The following SQLE variants were observed in gnomAD, a reference collection of about 807,000 sequenced individuals.
The protein encoded by SQLE is squalene monooxygenase.
Under a neutral mutation model 60.7 loss-of-function variants are expected in SQLE, and 29 were observed. The observed-to-expected ratio is 0.48, with a 90% CI of 0.36 to 0.65. SQLE has a LOEUF of 0.65. Ranked by LOEUF, SQLE falls within the 30% of genes least tolerant of loss-of-function variation. SQLE has a pLI of 0.00. For missense variants in SQLE, 605 were observed against 684.1 expected (o/e 0.88, Z 1.29); for synonymous variants, 237 against 246.8 (o/e 0.96, Z 0.37).
At chr8:125,002,416 G>T (rs1307172763) in intron 1 of SQLE, among the ~76,000 whole-genome samples, 6 of 152,166 alleles carry the variant, frequency 3.9e-5, no homozygotes, top group Non-Finnish European at 7.4e-5. Flanking sequence ...AGTGGCTCAC[G>T]CCTGTAATCC....
intron 9 of SQLE, 38 bp downstream of exon 9, chr8:125,018,765 G>A (rs1449454026): frequency 2.2e-6 from 3 of 1,344,334 alleles, no homozygotes; most frequent in Non-Finnish European, 3.1e-6. Context: ...TTACTCAATT[G>A]CAGATTTTTA....
In SQLE at chr8:125,002,757, A is replaced by G. The variant is rs115936755; in HGVS notation, c.292-419A>G. Among the ~76,000 whole-genome samples, 629 of 152,332 alleles carry G rather than the reference A, an allele frequency of 4.1e-3. 1 individual carries two copies. The highest frequency in any genetic ancestry group is 0.014 in the African/African-American group (587 of 41,578). ...ATAGTTTGTAACATGAACTCAAATC[A>G]GAAGTTGTAAGTGATTTGCATCTTG... On this transcript the variant is annotated intron_variant, in intron 1 of 10. Coordinates refer to ENST00000265896, the MANE Select transcript of SQLE (RefSeq NM_003129.4).
chr8:125,008,925 G>C, intron 4 of SQLE, 46 bp from the exon 5 acceptor site: 1 of 1,346,078 alleles, frequency 7.4e-7, no homozygotes, highest in East Asian at 2.5e-5. Flanking sequence ...TTTTTTTACT[G>C]TGTGTTTCTG....
At chr8:125,012,353 A>G (rs969522379) in intron 7 of SQLE, among the ~76,000 whole-genome samples, 3 of 152,226 alleles carry the variant, frequency 2.0e-5, no homozygotes, top group African/African-American at 7.2e-5. Context: ...CATCACCACC[A>G]CAATCAAATT....
At position 125,011,604 on chromosome 8, in the gene SQLE, C is replaced by G; in HGVS notation, c.1176C>G (p.Phe392Leu). Reference protein sequence around the residue: ...NSHLRSMPASFLPPSSVKKRG... With the variant: ...NSHLRSMPASLLPPSSVKKRG... Reference sequence around the variant, plus strand: ...ATCTGAGGTCCATGCCAGCAAGCTTCCTTCCTCCTTCATCAGTGAAGAAAC... The same window carrying G: ...ATCTGAGGTCCATGCCAGCAAGCTTGCTTCCTCCTTCATCAGTGAAGAAAC... Residue 392 changes from phenylalanine to leucine, a missense_variant, in exon 7 of 11, where the codon TTC becomes TTG. Phe to Leu is a conservative substitution (Grantham distance 22). Coordinates refer to ENST00000265896, the MANE Select transcript of SQLE (RefSeq NM_003129.4). The G allele has an allele frequency of 6.3e-7, 1 of 1,582,746 alleles. No individual in the cohort carries two copies. Among genetic ancestry groups the G allele is most frequent in the Non-Finnish European group, 8.6e-7 (1 of 1,162,592 alleles).
At chr8:125,010,589 G>A (rs76158701) in intron 6 of SQLE, among the ~76,000 whole-genome samples, 28 of 151,894 alleles carry the variant, frequency 1.8e-4, no homozygotes, top group African/African-American at 6.5e-4. Context: ...AATGAAGTGG[G>A]CAAACTTAGA....
Position 125,014,321 on chromosome 8 carries a change from CT to C in SQLE, c.1204+2695del. Among the ~76,000 whole-genome samples, 3 of 152,132 alleles carry C rather than the reference CT, an allele frequency of 2.0e-5. 1 individual carries two copies. In the East Asian group the frequency reaches 5.8e-4, roughly 29 times the overall value. On this transcript the variant is annotated intron_variant, in intron 7 of 10. Coordinates refer to ENST00000265896, the MANE Select transcript of SQLE (RefSeq NM_003129.4). ...AAAAGGAGTTAATTGGGTTTTCTTT[CT>C]TTTTTCTTAGTTTGTCTTAAAGGTT...
intron 6 of SQLE, among the ~76,000 whole-genome samples, chr8:125,009,886 G>T (rs955292310): frequency 6.6e-6 from 1 of 152,108 alleles, no homozygotes; most frequent in African/African-American, 2.4e-5. Flanking sequence ...ATTTTTAAAG[G>T]TAGTCTCTGG....
intron 10 of SQLE, 83 bp from the exon 11 acceptor site, chr8:125,021,670 C>A: frequency 1.0e-6 from 1 of 987,564 alleles, no homozygotes; most frequent in Non-Finnish European, 1.5e-6. Context: ...GTTTGTTGAG[C>A]TTCGTAGATT....
At position 125,004,968 on chromosome 8, in the gene SQLE, G is replaced by C. The variant is rs534997199; in HGVS notation, c.545-557G>C. Among the ~76,000 whole-genome samples the C allele has an allele frequency of 2.6e-5, 4 of 152,178 alleles. No homozygotes were observed. In the South Asian group the frequency reaches 8.3e-4, roughly 32 times the overall value. ...TATTTGATGTACTAAAAAGTTCTTT[G>C]CAGTTTGTCCTGAGTCACTTTTAAT... On this transcript the variant is annotated intron_variant, in intron 2 of 10. Coordinates refer to ENST00000265896, the MANE Select transcript of SQLE (RefSeq NM_003129.4).
chr8:125,016,087 A>G lies in SQLE; in HGVS notation c.1205-1972A>G, dbSNP rs1815107915. 6.6e-6 allele frequency among the ~76,000 whole-genome samples: 1 copy of G among 152,144 alleles called. No individual in the cohort carries two copies. The highest frequency in any genetic ancestry group is 6.5e-5 in the Admixed American group (1 of 15,272). On this transcript the variant is annotated intron_variant, in intron 7 of 10. Transcript: ENST00000265896. This position sits in a 1 kb window ranked among gnomAD's most constrained non-coding sequence, Gnocchi z 4.1. ...CTTGAACTAGTCTTGTTTGGATTAA[A>G]TCAATCACCAATCCTTGCTTGGTGT...
rs779312741 is a variant in SQLE at position 125,021,763 on chromosome 8, A to G, written c.1543A>G (p.Asn515Asp). Residue 515 changes from asparagine (N) to aspartate (D), a missense_variant, in exon 11 of 11, where the codon AAC becomes GAC. Asn to Asp is a conservative substitution (Grantham distance 23). Coordinates refer to ENST00000265896, the MANE Select transcript of SQLE (RefSeq NM_003129.4). ...TTTTTTCTATTACAGATTGTCTCCT[A>G]ACCCTCTAGTTTTAATTGGACACTT... ...PVGLLSVLSP[N>D]PLVLIGHFFA... 4 of 1,600,802 alleles carry G rather than the reference A, an allele frequency of 2.5e-6. No homozygotes were observed. The highest frequency in any genetic ancestry group is 3.4e-6 in the Non-Finnish European group (4 of 1,172,898).
intron 3 of SQLE, among the ~76,000 whole-genome samples, chr8:125,006,711 TTTC>T (rs1398122989): frequency 7.8e-6 from 1 of 128,288 alleles, no homozygotes; most frequent in African/African-American, 3.7e-5. Flanking sequence ...ATAATTACTC[TTTC>T]TTTTTTTTGA....
rs1483314000 is a variant in SQLE at position 125,018,062 on chromosome 8, T to G, written c.1208T>G (p.Val403Gly). The change falls in exon 8 of 11, where the codon GTT becomes GGT. Residue 403 changes from valine (V) to glycine (G), a missense_variant. Val to Gly is a moderately radical substitution (Grantham distance 109, BLOSUM62 -3). Transcript: ENST00000265896. Reference protein sequence around the residue: ...LPPSSVKKRGVLLLGDAYNMR... With the variant: ...LPPSSVKKRGGLLLGDAYNMR... ...TCTTCATTACCTCTCTTCATAGGTG[T>G]TCTTCTTTTGGGAGACGCATATAAT... 3.1e-6 allele frequency: 5 copies of G among 1,613,286 alleles called. No individual in the cohort carries two copies. Among genetic ancestry groups the G allele is most frequent in the Non-Finnish European group, 1.7e-6 (2 of 1,179,710 alleles).
chr8:125,000,171 G>A (rs1460646473), intron 1 of SQLE: 1 of 396,480 alleles, frequency 2.5e-6, no homozygotes, highest in Admixed American at 3.2e-5. Context: ...TTGAGGCATT[G>A]GGCTCAAAGT....
At chr8:125,000,139 CAGA>C (rs1814819437) in intron 1 of SQLE, 1 of 429,800 alleles carries the variant, frequency 2.3e-6, no homozygotes, top group Admixed American at 2.8e-5. Flanking sequence ...GAAAAGCAGG[CAGA>C]AGGAGAATGC....
intron 4 of SQLE, 83 bp downstream of exon 4, chr8:125,007,570 A>T: frequency 1.2e-6 from 1 of 848,262 alleles, no homozygotes; most frequent in South Asian, 1.9e-5. Flanking sequence ...AAGTAGGCTT[A>T]CCGGTTTACA....
intron 1 of SQLE, among the ~76,000 whole-genome samples, chr8:125,001,482 GTGTGTGTA>G (rs3083760): frequency 0.1 from 14,657 of 146,740 alleles, 954 homozygotes; most frequent in East Asian, 0.22. Context: ...GTGTGTGTGT[GTGTGTGTA>G]TATAAAACAG....
intron 1 of SQLE, among the ~76,000 whole-genome samples, chr8:125,002,608 C>T (rs1262119983): frequency 2.6e-5 from 4 of 152,040 alleles, no homozygotes; most frequent in African/African-American, 4.8e-5. Flanking sequence ...ATCCAGGAGG[C>T]GGACGTTGCA....
Sources: allele counts gnomAD v4.1 joint callset (sites outside exome capture counted in the v4.1 genomes callset), GRCh38; gene constraint gnomAD v4.1.1; non-coding constraint Gnocchi (gnomAD v3.1); transcripts MANE v1.5; gene names NCBI Gene and HGNC (gene_info 2026-07-23, HGNC 2026-07-21).